SCN2A: variants seen among roughly 807,000 people sequenced by gnomAD.
SCN2A encodes the protein sodium channel protein type 2 subunit alpha.
Under a neutral mutation model 188.7 loss-of-function variants are expected in SCN2A, and 20 were observed. The ratio of observed to expected loss-of-function variants is 0.11; its 90% confidence interval spans 0.07 to 0.15. The LOEUF (loss-of-function observed/expected upper bound fraction) is 0.15. SCN2A is among the 10% of genes least tolerant of loss of function. The pLI is 1.00. For synonymous variants in SCN2A, 804 were observed against 833.1 expected, an observed-to-expected ratio of 0.97 and a Z score of 0.60; for missense variants, 1,278 against 2,445.0, an observed-to-expected ratio of 0.52 and a Z score of 10.07.
rs976099762 is a variant in SCN2A, at chr2:165,383,284, A to T, written c.4551+2087A>T. Among the ~76,000 whole-genome samples the T allele has an allele frequency of 2.0e-5, 3 of 152,000 alleles. No individual in the cohort carries two copies. In the East Asian group the frequency reaches 5.8e-4, roughly 29 times the overall value. On this transcript the variant is annotated intron_variant, in intron 25 of 26. Transcript: ENST00000375437. ...CAGGGAAGTTAGGGAAGGCTTTATT[A>T]AAAAAATATACTAGCTGAGGATGGA...
At chr2:165,269,710 C>G (rs1369985559) in intron 1 of SCN2A, 1 of 151,680 alleles carries the variant, frequency 6.6e-6, no homozygotes, top group Non-Finnish European at 1.5e-5. Flanking sequence ...TTCCTTTATT[C>G]AAATGGAAAA....
Position 165,296,440 on chromosome 2 carries a change from A to G in SCN2A, c.267+350A>G, listed in dbSNP as rs1306645618. 4 of 274,128 alleles carry G rather than the reference A, an allele frequency of 1.5e-5. No homozygotes were observed. The East Asian group carries it at 2.6e-4, about 18-fold the overall frequency. The allele number at this position is 274,128 out of a possible 1,614,324, so 17.0% of individuals were successfully genotyped here. ...TGAGAAGCAAAAACTGTAAACTAGGAGTCTATTTAAATTTTATTTTTTATA... is the reference window on the plus strand; with the variant it reads ...TGAGAAGCAAAAACTGTAAACTAGGGGTCTATTTAAATTTTATTTTTTATA... On this transcript the variant is annotated intron_variant, in intron 2 of 26. Coordinates refer to ENST00000375437, the MANE Select transcript of SCN2A (RefSeq NM_001040142.2).
At chr2:165,305,422 G>T (rs753552727) in intron 3 of SCN2A, among the ~76,000 whole-genome samples, 1 of 152,266 alleles carries the variant, frequency 6.6e-6, no homozygotes, top group South Asian at 2.1e-4. Flanking sequence ...GGTATATAAT[G>T]GTTATGTTTG....
chr2:165,370,562 A>T, intron 20 of SCN2A: 1 of 384,518 alleles, frequency 2.6e-6, no homozygotes. Flanking sequence ...GTTATGCAAA[A>T]TAAAATATGA....
At chr2:165,312,420 A>G (rs1455648725) in intron 8 of SCN2A, among the ~76,000 whole-genome samples, 1 of 152,124 alleles carries the variant, frequency 6.6e-6, no homozygotes, top group Non-Finnish European at 1.5e-5. Context: ...ATATATACTA[A>G]TGTGTTCTCC....
intron 25 of SCN2A, 105 bp downstream of exon 25, chr2:165,381,302 T>A: frequency 1.3e-6 from 1 of 791,518 alleles, no homozygotes; most frequent in African/African-American, 1.7e-5. Context: ...TAACACAAAG[T>A]TTTTTACCTT....
chr2:165,267,970 G>A (rs1329468039), intron 1 of SCN2A: 1 of 152,022 alleles, frequency 6.6e-6, no homozygotes, highest in Admixed American at 6.6e-5. Flanking sequence ...AGGATGTGGA[G>A]AAAACAAAAG....
chr2:165,334,945 A>G (rs1413965756), intron 14 of SCN2A, among the ~76,000 whole-genome samples: 20 of 151,716 alleles, frequency 1.3e-4, no homozygotes, highest in Admixed American at 1.2e-3. Flanking sequence ...ACAAAACTCA[A>G]TTATATTTCT....
At chr2:165,372,578 C>T (rs1166628242) in intron 20 of SCN2A, 1 of 151,404 alleles carries the variant, frequency 6.6e-6, no homozygotes, top group Non-Finnish European at 1.5e-5. Flanking sequence ...TTCTCAACTA[C>T]ATTAGTCAAC....
chr2:165,248,685 A>G, intron 1 of SCN2A, among the ~76,000 whole-genome samples: 1 of 151,816 alleles, frequency 6.6e-6, no homozygotes, highest in East Asian at 1.9e-4. Context: ...ATTATAGCAT[A>G]CTGTATACAT....
rs1374310297 is a variant in SCN2A at position 165,390,326 on chromosome 2, G to T, written c.*502G>T. The T allele has an allele frequency of 1.2e-5, 2 of 164,726 alleles. No individual in the cohort carries two copies. The highest frequency in any genetic ancestry group is 1.1e-4 in the Admixed American group (2 of 17,502). The allele number at this position is 164,726 out of a possible 1,614,324, so 10.2% of individuals were successfully genotyped here. A position where few individuals can be genotyped will look rare whatever the true frequency, so the allele number is the denominator to read the frequency against. On this transcript the variant is annotated 3_prime_UTR_variant, in exon 27 of 27. Transcript: ENST00000375437. Reference sequence around the variant, plus strand: ...TGTGTTTGGGGAGAGGGATTAAAGGGAGGGAATTCTACATTTCTCTATTGT... The same window carrying T: ...TGTGTTTGGGGAGAGGGATTAAAGGTAGGGAATTCTACATTTCTCTATTGT...
At chr2:165,313,312 C>T (rs916019662) in intron 8 of SCN2A, among the ~76,000 whole-genome samples, 1 of 152,128 alleles carries the variant, frequency 6.6e-6, no homozygotes, top group Non-Finnish European at 1.5e-5. Context: ...TTTTTCCTTA[C>T]AGACTTTTTT....
At chr2:165,293,035 G>C (rs184191391) in intron 1 of SCN2A, among the ~76,000 whole-genome samples, 230 of 152,248 alleles carry the variant, frequency 1.5e-3, no homozygotes, top group African/African-American at 5.4e-3. Flanking sequence ...AATAAGATTG[G>C]TGTCTCACTG....
intron 16 of SCN2A, among the ~76,000 whole-genome samples, chr2:165,348,447 G>C (rs1699721029): frequency 6.6e-6 from 1 of 151,952 alleles, no homozygotes. Flanking sequence ...TAGAGAAAGG[G>C]GAAGGGAAAA....
intron 23 of SCN2A, 56 bp from the exon 24 acceptor site, chr2:165,380,536 T>G: frequency 7.7e-7 from 1 of 1,299,274 alleles, no homozygotes; most frequent in African/African-American, 1.5e-5. Context: ...CTCACTGATG[T>G]ACTTTTTGTG....
At chr2:165,268,435 A>G (rs1449385285) in intron 1 of SCN2A, 1 of 152,010 alleles carries the variant, frequency 6.6e-6, no homozygotes, top group East Asian at 1.9e-4. Flanking sequence ...AATAAAAATC[A>G]TATGATCGTC....
In SCN2A at chr2:165,331,094, A is replaced by G. The variant is rs116249800; in HGVS notation, c.2150-236A>G. Among the ~76,000 whole-genome samples the G allele has an allele frequency of 4.5e-3, 678 of 152,240 alleles. 4 individuals carry two copies. The highest frequency in any genetic ancestry group is 0.016 in the African/African-American group (645 of 41,558). Reference sequence around the variant, plus strand: ...AGTATCAGACAGTTTAGTGTTGCCAATAGAATCTTGGAAGCTATGTTTAGC... The same window carrying G: ...AGTATCAGACAGTTTAGTGTTGCCAGTAGAATCTTGGAAGCTATGTTTAGC... On this transcript the variant is annotated intron_variant, in intron 13 of 26. Transcript: ENST00000375437.
intron 14 of SCN2A, among the ~76,000 whole-genome samples, chr2:165,334,703 GA>G (rs1698891781): frequency 1.3e-5 from 2 of 151,696 alleles, no homozygotes; most frequent in African/African-American, 4.8e-5. Flanking sequence ...TTCAGGTCAA[GA>G]AGAAGGCAAG....
At chr2:165,294,104 C>T (rs1472526375) in intron 1 of SCN2A, 1 of 975,098 alleles carries the variant, frequency 1.0e-6, no homozygotes, top group African/African-American at 1.8e-5. Context: ...GCTTATCAAT[C>T]CCAAACTCTG....
Sources: gnomAD v4.1 joint callset for allele counts (sites outside exome capture counted in the v4.1 genomes callset) on GRCh38, gnomAD v4.1.1 for gene constraint, MANE v1.5 for transcripts, NCBI Gene and HGNC (gene_info 2026-07-23, HGNC 2026-07-21) for gene names.